The following RSPO2 variants were observed in gnomAD, a reference collection of about 807,000 sequenced individuals.
RSPO2 encodes the protein R-spondin-2.
A neutral mutation model predicts 30.9 loss-of-function variants in RSPO2; 14 were observed. The ratio of observed to expected loss-of-function variants is 0.45; its 90% CI spans 0.30 to 0.71. The LOEUF (loss-of-function observed/expected upper bound fraction) is 0.71. Ranked by LOEUF, RSPO2 falls within the 30% of genes least tolerant of loss-of-function variation. The probability of loss-of-function intolerance (pLI) is 0.08; values close to 1 mark genes in which losing one functional copy is unlikely to be tolerated. For synonymous variants in RSPO2, 107 were observed against 96.4 expected, an observed-to-expected ratio of 1.11 and a Z score of -0.64; for missense variants, 264 against 301.9, an observed-to-expected ratio of 0.87 and a Z score of 0.93.
At chr8:108,000,558 T>C (rs1230095529) in intron 2 of RSPO2, among the ~76,000 whole-genome samples, 1 of 152,038 alleles carries the variant, frequency 6.6e-6, no homozygotes, top group Admixed American at 6.6e-5. Context: ...TTTTTTTAAA[T>C]CATAGGCTTA....
chr8:107,989,891 T>C (rs907814763), intron 2 of RSPO2, among the ~76,000 whole-genome samples: 1 of 152,212 alleles, frequency 6.6e-6, no homozygotes. Context: ...TCCTGAGACC[T>C]AGACTTTCAT....
In RSPO2 at chr8:108,072,319, C is replaced by CTTTTTT. The variant is rs34402426; in HGVS notation, c.94+10220_94+10225dup. Among the ~76,000 whole-genome samples, 23 of 84,276 alleles carry CTTTTTT rather than the reference C, an allele frequency of 2.7e-4. 1 individual carries two copies. Among genetic ancestry groups the CTTTTTT allele is most frequent in the African/African-American group, 6.7e-4 (14 of 20,766 alleles). The allele number at this position is 84,276 out of a possible 152,430, so 55.3% of individuals were successfully genotyped here. On this transcript the variant is annotated intron_variant, in intron 2 of 5. Coordinates refer to ENST00000276659, the MANE Select transcript of RSPO2 (RefSeq NM_178565.5). ...TGAAAAACAATGAGATGGCAGAGAACTTTTTTTTTTTTTTTTTTTTTTTTG... is the reference window on the plus strand; with the variant it reads ...TGAAAAACAATGAGATGGCAGAGAACTTTTTTTTTTTTTTTTTTTTTTTTTTTTTTG...
intron 3 of RSPO2, among the ~76,000 whole-genome samples, chr8:107,975,936 G>C (rs1489456302): frequency 6.6e-6 from 1 of 152,192 alleles, no homozygotes; most frequent in Non-Finnish European, 1.5e-5. Context: ...GTGGATAGTA[G>C]GGTGTCCACC....
Position 107,901,108 on chromosome 8 carries a change from G to C in RSPO2, c.699C>G (p.Ser233Arg). 15 of 1,614,086 alleles carry C rather than the reference G, an allele frequency of 9.3e-6. No homozygotes were observed. Among genetic ancestry groups the C allele is most frequent in the Non-Finnish European group, 1.3e-5 (15 of 1,179,974 alleles). ...TAGCTCTGTCTGTAGCTAGGAAGAC[G>C]CTGTGTTGCTCCTGGGCCCTTTCTA... ...KLIERAQEQH[S>R]VFLATDRANQ Residue 233 changes from serine (S) to arginine (R), a missense_variant, in exon 6 of 6, where the codon AGC (serine) becomes AGG (arginine). Ser to Arg is a moderately radical substitution (Grantham distance 110). Coordinates refer to ENST00000276659, the MANE Select transcript of RSPO2 (RefSeq NM_178565.5).
rs761159368 is a variant in RSPO2, at chr8:107,981,911, G to A, written c.283+7145C>T. 6.0e-5 allele frequency among the ~76,000 whole-genome samples: 9 copies of A among 149,828 alleles called. No individual in the cohort carries two copies. In the East Asian group the frequency reaches 1.8e-3, roughly 30 times the overall value. On this transcript the variant is annotated intron_variant, in intron 3 of 5. Coordinates refer to ENST00000276659, the MANE Select transcript of RSPO2 (RefSeq NM_178565.5). ...TAGCTGGCTATAGTGGCACACGACT[G>A]TAGTCCCAGCTACTGGGGAGGCTGT...
At chr8:108,079,460 A>G (rs1367339241) in intron 2 of RSPO2, among the ~76,000 whole-genome samples, 1 of 152,076 alleles carries the variant, frequency 6.6e-6, no homozygotes, top group African/African-American at 2.4e-5. Flanking sequence ...TATTTTCTCA[A>G]TCGTCTGGCT....
rs149217014 is a variant in RSPO2 at position 107,998,513 on chromosome 8, C to T, written c.95-9269G>A. Among the ~76,000 whole-genome samples the T allele has an allele frequency of 1.1e-3, 162 of 152,108 alleles. 2 individuals are homozygous for T. The South Asian group carries it at 0.03, about 28-fold the overall frequency. On this transcript the variant is annotated intron_variant, in intron 2 of 5. Transcript: ENST00000276659. ...TATTTAAATATCAAACCCAGTAGTC[C>T]GATTGTGAATGTAAAGACAACAAAT... is the stretch of plus-strand genomic sequence containing the variant.
At chr8:108,001,084 C>G (rs1252663637) in intron 2 of RSPO2, among the ~76,000 whole-genome samples, 7 of 151,958 alleles carry the variant, frequency 4.6e-5, no homozygotes, top group African/African-American at 1.4e-4. Flanking sequence ...CCCAGCTACT[C>G]AGGAGGCTGA....
At chr8:107,957,611 C>T (rs1813470776) in intron 5 of RSPO2, among the ~76,000 whole-genome samples, 1 of 152,176 alleles carries the variant, frequency 6.6e-6, no homozygotes, top group African/African-American at 2.4e-5. Flanking sequence ...GTTTATTCCT[C>T]TCAGTGTTTG....
intron 2 of RSPO2, among the ~76,000 whole-genome samples, chr8:108,053,650 T>C (rs1812143415): frequency 6.6e-6 from 1 of 152,238 alleles, no homozygotes; most frequent in Admixed American, 6.5e-5. Context: ...TAATATTTTC[T>C]AGTTATAGGC....
intron 2 of RSPO2, among the ~76,000 whole-genome samples, chr8:108,058,043 T>G (rs979122903): frequency 5.5e-4 from 84 of 152,302 alleles, no homozygotes; most frequent in Non-Finnish European, 9.8e-4. Flanking sequence ...AGGGCATCCC[T>G]GTCTTGTGCC....
chr8:108,072,203 T>G (rs573987349), intron 2 of RSPO2, among the ~76,000 whole-genome samples: 2 of 151,614 alleles, frequency 1.3e-5, no homozygotes, highest in Non-Finnish European at 2.9e-5. Flanking sequence ...TAACTAAACA[T>G]GAAGTTTAAT....
intron 2 of RSPO2, among the ~76,000 whole-genome samples, chr8:108,016,397 G>A (rs1810890234): frequency 6.6e-6 from 1 of 152,180 alleles, no homozygotes; most frequent in Non-Finnish European, 1.5e-5. Flanking sequence ...AAAGCAGCCA[G>A]ACTAGACTGC....
intron 5 of RSPO2, among the ~76,000 whole-genome samples, chr8:107,930,269 C>T (rs1257262130): frequency 1.3e-5 from 2 of 152,128 alleles, no homozygotes; most frequent in African/African-American, 4.8e-5. Flanking sequence ...AAGAAGCTTA[C>T]GAACCCCAAA....
chr8:107,983,634 C>T (rs1263776444), intron 3 of RSPO2: 9 of 1,595,874 alleles, frequency 5.6e-6, no homozygotes, highest in Admixed American at 3.3e-5. Flanking sequence ...AGCAGGCAAC[C>T]AAAATTGCAG....
At chr8:108,047,827 G>A (rs548060394) in intron 2 of RSPO2, among the ~76,000 whole-genome samples, 1 of 150,866 alleles carries the variant, frequency 6.6e-6, no homozygotes, top group Admixed American at 6.6e-5. Flanking sequence ...CTCCAGCATG[G>A]GTGAGAGAGC....
At chr8:108,027,582 A>T (rs547264721) in intron 2 of RSPO2, among the ~76,000 whole-genome samples, 80 of 152,182 alleles carry the variant, frequency 5.3e-4, no homozygotes, top group Admixed American at 1.1e-3. Context: ...TATTTTTTTT[A>T]AAAAAGTTCA....
At chr8:108,070,150 T>C (rs1329743696) in intron 2 of RSPO2, among the ~76,000 whole-genome samples, 1 of 152,142 alleles carries the variant, frequency 6.6e-6, no homozygotes, top group Non-Finnish European at 1.5e-5. Context: ...CAGAAGCATA[T>C]GGTGCGGAAT....
intron 2 of RSPO2, among the ~76,000 whole-genome samples, chr8:108,067,577 T>G (rs1812709125): frequency 6.6e-6 from 1 of 152,206 alleles, no homozygotes; most frequent in African/African-American, 2.4e-5. Flanking sequence ...TCACAATAGC[T>G]TTAAAAGAAT....
Sources: gnomAD v4.1 joint callset for allele counts (sites outside exome capture counted in the v4.1 genomes callset) on GRCh38, gnomAD v4.1.1 for gene constraint, MANE v1.5 for transcripts, NCBI Gene and HGNC (gene_info 2026-07-23, HGNC 2026-07-21) for gene names.